Variants in UTRN observed in about 807,000 individuals in gnomAD.
UTRN encodes dystrophin-related protein 1.
In UTRN, 283 loss-of-function variants were observed where a neutral mutation model predicts 463.9. The ratio of observed to expected loss-of-function variants is 0.61; its 90% confidence interval spans 0.55 to 0.67. The LOEUF is 0.67. Among genes scored for constraint, UTRN ranks in the 30% least tolerant of loss-of-function variants. UTRN has a pLI of 0.00. For synonymous variants in UTRN, 1,442 were observed against 1,431.5 expected (o/e 1.01, Z -0.17); for missense variants, 3,922 against 4,084.3 (o/e 0.96, Z 1.08).
At chr6:144,471,006 G>T (rs1790553130) in intron 23 of UTRN, among the ~76,000 whole-genome samples, 1 of 144,018 alleles carries the variant, frequency 6.9e-6, no homozygotes, top group Non-Finnish European at 1.5e-5. Flanking sequence ...GGCATCAGAG[G>T]GAGACCGTGC....
chr6:144,503,021 A>G (rs1033859575), intron 34 of UTRN, among the ~76,000 whole-genome samples: 10 of 152,008 alleles, frequency 6.6e-5, no homozygotes. Context: ...GCTTTTTTTC[A>G]TATGTTTTTT....
At chr6:144,564,514 A>T (rs1055078890) in intron 50 of UTRN, among the ~76,000 whole-genome samples, 1 of 152,178 alleles carries the variant, frequency 6.6e-6, no homozygotes, top group Non-Finnish European at 1.5e-5. Flanking sequence ...ACTGCCATAA[A>T]GAACTGCCTG....
intron 51 of UTRN, among the ~76,000 whole-genome samples, chr6:144,635,514 C>CTTTTCT (rs1777035213): frequency 3.7e-5 from 3 of 80,010 alleles, no homozygotes; most frequent in African/African-American, 9.8e-5. Context: ...CTTTTTTTTT[C>CTTTTCT]TTTTTTTTTT....
intron 2 of UTRN, among the ~76,000 whole-genome samples, chr6:144,332,061 C>G (rs1776371823): frequency 1.3e-5 from 2 of 152,204 alleles, no homozygotes. Context: ...TACCGGCCCC[C>G]AGCTCTTGGC....
At chr6:144,672,341 A>G (rs529024701) in intron 51 of UTRN, among the ~76,000 whole-genome samples, 14 of 150,800 alleles carry the variant, frequency 9.3e-5, no homozygotes, top group Middle Eastern at 6.8e-3. Context: ...GCTGCTTGTT[A>G]CTAGTCTATT....
At position 144,652,200 on chromosome 6, in the gene UTRN, G is replaced by A. The variant is rs77046858; in HGVS notation, c.7480-26206G>A. On this transcript the variant is annotated intron_variant, in intron 51 of 74. Transcript: ENST00000367545. The stretch of plus-strand genomic sequence containing the variant: ...CTTATCCCTAAACAAGAATGTGGCT[G>A]ATGTCAGTGTCAGATGGTGCTTCAC... 2.7e-3 allele frequency among the ~76,000 whole-genome samples: 409 copies of A among 152,298 alleles called. 14 individuals are homozygous for A. In the East Asian group the frequency reaches 0.057, roughly 21 times the overall value.
chr6:144,523,292 A>T lies in UTRN; in HGVS notation c.5906+104A>T, dbSNP rs574399702. The T allele has an allele frequency of 3.2e-6, 3 of 929,548 alleles. No individual in the cohort carries two copies. In the African/African-American group the frequency reaches 5.2e-5, roughly 16 times the overall value. The allele number at this position is 929,548 out of a possible 1,614,324, so 57.6% of individuals were successfully genotyped here. On this transcript the variant is annotated intron_variant, in intron 41 of 74. Transcript: ENST00000367545. ...TGAGATTAATGAGAACATGTTTCAT[A>T]TCCTTGTAGGATGCCCTATTATTTT...
intron 57 of UTRN, among the ~76,000 whole-genome samples, chr6:144,755,887 T>G (rs1347383047): frequency 6.6e-6 from 1 of 152,150 alleles, no homozygotes; most frequent in East Asian, 1.9e-4. Context: ...AGTTAAAGGT[T>G]GGGCTTTTCT....
chr6:144,460,001 A>ATT (rs11355493), intron 21 of UTRN, among the ~76,000 whole-genome samples: 13 of 132,844 alleles, frequency 9.8e-5, no homozygotes, highest in South Asian at 2.4e-4. Flanking sequence ...ATTTTTAAAG[A>ATT]TTTTTTTTTT....
chr6:144,485,470 G>A lies in UTRN; in HGVS notation c.3773G>A (p.Ser1258Asn). The A allele has an allele frequency of 6.2e-7, 1 of 1,614,180 alleles. No homozygotes were observed. Among genetic ancestry groups the A allele is most frequent in the African/African-American group, 1.3e-5 (1 of 75,048 alleles). Reference protein sequence around the residue: ...WLNTLEERMKSTEVLPEKTDA... With the variant: ...WLNTLEERMKNTEVLPEKTDA... ...AACACTTTGGAAGAGCGGATGAAGA[G>A]CACAGAGGTCCTGCCTGAGAAGACG... Residue 1258 changes from serine (S) to asparagine (N), a missense_variant, in exon 28 of 75, where the codon AGC becomes AAC. Around this residue, in one of 3 missense-constraint regions of UTRN, gnomAD observed 2,349 missense variants for 2,303.8 expected, o/e 1.02. Coordinates refer to ENST00000367545, the MANE Select transcript of UTRN (RefSeq NM_007124.3).
At chr6:144,392,567 C>T (rs759031920) in intron 2 of UTRN, among the ~76,000 whole-genome samples, 2 of 152,174 alleles carry the variant, frequency 1.3e-5, no homozygotes, top group Admixed American at 6.5e-5. Flanking sequence ...AACAAAGTCT[C>T]TGGTGTTGAT....
intron 21 of UTRN, among the ~76,000 whole-genome samples, chr6:144,460,525 C>A (rs1789307094): frequency 6.6e-6 from 1 of 152,222 alleles, no homozygotes; most frequent in African/African-American, 2.4e-5. Flanking sequence ...TGAAATATGT[C>A]TTTGAGGGTA....
At chr6:144,433,791 C>T (rs1373539287) in intron 9 of UTRN, among the ~76,000 whole-genome samples, 9 of 150,932 alleles carry the variant, frequency 6.0e-5, no homozygotes, top group South Asian at 4.2e-4. Context: ...GGATGGCGGC[C>T]GGGAAGAGGT....
At chr6:144,447,508 A>G (rs533142436) in intron 15 of UTRN, 94 bp from the exon 16 acceptor site, 2 of 1,448,160 alleles carry the variant, frequency 1.4e-6, no homozygotes, top group Middle Eastern at 1.8e-4. Context: ...TGTACATTTT[A>G]CTATAAAAGA....
intron 46 of UTRN, among the ~76,000 whole-genome samples, chr6:144,546,663 G>A (rs1043831326): frequency 2.6e-5 from 4 of 151,962 alleles, no homozygotes; most frequent in African/African-American, 9.7e-5. Flanking sequence ...AAAAAAATTA[G>A]CCAGGCTTGG....
intron 2 of UTRN, among the ~76,000 whole-genome samples, chr6:144,372,017 A>G (rs1184077629): frequency 6.6e-6 from 1 of 152,240 alleles, no homozygotes; most frequent in Non-Finnish European, 1.5e-5. Flanking sequence ...CCTACAATTG[A>G]AAAGAATAGA....
intron 2 of UTRN, among the ~76,000 whole-genome samples, chr6:144,383,731 G>A (rs1781145895): frequency 6.6e-6 from 1 of 152,202 alleles, no homozygotes; most frequent in South Asian, 2.1e-4. Context: ...GGAGAGAAAG[G>A]ATGCTTGAGT....
chr6:144,517,879 A>T (rs1027894441), intron 39 of UTRN, among the ~76,000 whole-genome samples: 3 of 152,220 alleles, frequency 2.0e-5, no homozygotes, highest in Non-Finnish European at 4.4e-5. Context: ...TTCTCAGAAC[A>T]TGTCCCTGTT....
intron 65 of UTRN, among the ~76,000 whole-genome samples, chr6:144,816,416 C>T (rs939867620): frequency 2.6e-5 from 4 of 151,988 alleles, no homozygotes; most frequent in African/African-American, 4.8e-5. Context: ...TGCCTGGAAG[C>T]GGCTTCTCGA....
Sources: gnomAD v4.1 joint callset for allele counts (sites outside exome capture counted in the v4.1 genomes callset) on GRCh38, gnomAD v4.1.1 for gene constraint, gnomAD v4.1.1 regional missense constraint, MANE v1.5 for transcripts, NCBI Gene and HGNC (gene_info 2026-07-23, HGNC 2026-07-21) for gene names.